The following LAMB1 variants were observed in gnomAD, a reference collection of about 807,000 sequenced individuals.
LAMB1 encodes laminin subunit beta-1.
LAMB1 carries 121 observed loss-of-function variants against 222.3 expected under a neutral mutation model. That is an observed-to-expected ratio of 0.54 (90% CI 0.47 to 0.63). The LOEUF (loss-of-function observed/expected upper bound fraction) is 0.63, where lower values mean the gene tolerates loss of function less well. Among genes scored for constraint, LAMB1 ranks in the 30% least tolerant of loss-of-function variants. The pLI is 0.00. For synonymous variants in LAMB1, 794 were observed against 807.2 expected (o/e 0.98, Z 0.28); for missense variants, 2,172 against 2,240.8 (o/e 0.97, Z 0.62).
rs1002899295 is a variant in LAMB1, at chr7:107,957,106, C to T, written c.2691-1476G>A. Among the ~76,000 whole-genome samples, 9 of 152,166 alleles carry T rather than the reference C, an allele frequency of 5.9e-5. No individual in the cohort carries two copies. In the South Asian group the frequency reaches 1.7e-3, roughly 28 times the overall value. ...TTCTACTTATGAAAAGCTGGATATT[C>T]CGGCCAGGTGCGGTGGCTCACCCCT... On this transcript the variant is annotated intron_variant, in intron 20 of 33. Coordinates refer to ENST00000222399, the MANE Select transcript of LAMB1 (RefSeq NM_002291.3).
Position 108,002,906 on chromosome 7 carries a change from G to C in LAMB1, c.-21C>G, listed in dbSNP as rs1430310752. The C allele has an allele frequency of 6.2e-7, 1 of 1,613,672 alleles. No individual in the cohort carries two copies. The highest frequency in any genetic ancestry group is 1.1e-5 in the South Asian group (1 of 91,008). ...CCCATGCCGGCTCCCTGCAGCCACG[G>C]GGACGCGGCAGAGGAGTGGAGAAGA... On this transcript the variant is annotated 5_prime_UTR_variant, in exon 2 of 34. Transcript: ENST00000222399.
chr7:107,932,741 A>G, intron 27 of LAMB1: 1 of 266,756 alleles, frequency 3.7e-6, no homozygotes, highest in South Asian at 5.8e-5. Context: ...TAAAAAAAAA[A>G]CCTATTGTGA....
intron 33 of LAMB1, 40 bp from the exon 34 acceptor site, chr7:107,924,127 T>A (rs778981714): frequency 6.6e-6 from 10 of 1,524,900 alleles, no homozygotes; most frequent in Non-Finnish European, 7.9e-6. Flanking sequence ...GAGCAATTTA[T>A]ACTATGATGA....
chr7:107,948,489 G>A (rs1462857706), intron 24 of LAMB1, among the ~76,000 whole-genome samples: 1 of 152,154 alleles, frequency 6.6e-6, no homozygotes, highest in African/African-American at 2.4e-5. Context: ...ATCTCTTAGG[G>A]TATTTTCACT....
chr7:107,974,265 G>A (rs750794926), intron 12 of LAMB1, among the ~76,000 whole-genome samples: 1 of 151,870 alleles, frequency 6.6e-6, no homozygotes, highest in Non-Finnish European at 1.5e-5. Context: ...AATTATTACA[G>A]TGAACTTTTT....
rs1483668861 is a variant in LAMB1, at chr7:108,001,922, G to A, written c.38-189C>T. 1.8e-5 allele frequency: 27 copies of A among 1,459,688 alleles called. No individual in the cohort carries two copies. In the East Asian group the frequency reaches 4.3e-4, roughly 23 times the overall value. The allele number at this position is 1,459,688 out of a possible 1,614,324, so 90.4% of individuals were successfully genotyped here. On this transcript the variant is annotated intron_variant, in intron 2 of 33. Coordinates refer to ENST00000222399, the MANE Select transcript of LAMB1 (RefSeq NM_002291.3). ...GCTGGGAAGGCAGGGACTCCGAAAG[G>A]AGAAGGACACGGAAAGAAACCCACA...
intron 32 of LAMB1, among the ~76,000 whole-genome samples, chr7:107,925,064 C>G (rs769774203): frequency 3.2e-4 from 49 of 152,240 alleles, no homozygotes; most frequent in Admixed American, 1.5e-3. Flanking sequence ...GGAAACCACA[C>G]AAACCAAAAC....
rs749408527 is a variant in LAMB1, at chr7:107,980,590, GCA to G, written c.879+17_879+18del. 6.3e-7 allele frequency: 1 copy of G among 1,592,026 alleles called. No individual in the cohort carries two copies. Among genetic ancestry groups the G allele is most frequent in the East Asian group, 2.2e-5 (1 of 44,776 alleles). ...TACCAGCCACATAAAGGAGAAAGGT[GCA>G]CAGAGGGCTTACTTACCATTCCTTC... On this transcript the variant is annotated intron_variant, in intron 8 of 33. Transcript: ENST00000222399.
chr7:108,001,959 G>T, intron 2 of LAMB1: 1 of 1,453,138 alleles, frequency 6.9e-7, no homozygotes, highest in South Asian at 1.5e-5. Context: ...ACGTCATCAG[G>T]TCTGTCCAGC....
At position 107,973,174 on chromosome 7, in the gene LAMB1, C is replaced by T. The variant is rs1157860035; in HGVS notation, c.1483-103G>A. ...CTTGTTTCGGCTGTTCCACCAAATG[C>T]TCATTTTCATCATTAAAGCAGAAAG... On this transcript the variant is annotated intron_variant, in intron 12 of 33. Coordinates refer to ENST00000222399, the MANE Select transcript of LAMB1 (RefSeq NM_002291.3). 9 of 925,878 alleles carry T rather than the reference C, an allele frequency of 9.7e-6. No homozygotes were observed. The African/African-American group carries it at 1.1e-4, about 12-fold the overall frequency. The allele number at this position is 925,878 out of a possible 1,614,324, so 57.4% of individuals were successfully genotyped here.
chr7:107,985,959 A>G (rs1467191375), intron 7 of LAMB1, 63 bp downstream of exon 7: 2 of 1,364,382 alleles, frequency 1.5e-6, no homozygotes, highest in Non-Finnish European at 2.1e-6. Context: ...CTCTGTCTCA[A>G]AAAACAAAAC....
chr7:108,002,809 C>G lies in LAMB1; in HGVS notation c.37+40G>C, dbSNP rs569085618. On this transcript the variant is annotated intron_variant, in intron 2 of 33. Transcript: ENST00000222399. ...CTTTTGGGTTTTCCTTCCCCATGCCCAAGTCCGTCCGCCTCCCCGCACCGT... is the reference window on the plus strand; with the variant it reads ...CTTTTGGGTTTTCCTTCCCCATGCCGAAGTCCGTCCGCCTCCCCGCACCGT... 8.7e-6 allele frequency: 14 copies of G among 1,613,830 alleles called. No homozygotes were observed. The African/African-American group carries it at 1.9e-4, about 22-fold the overall frequency.
At chr7:107,931,263 T>A in intron 29 of LAMB1, 93 bp downstream of exon 29, 110 of 1,032,094 alleles carry the variant, frequency 1.1e-4, no homozygotes, top group Middle Eastern at 5.6e-4. Context: ...GAAATGTCAC[T>A]TAGTACCCTG....
intron 24 of LAMB1, among the ~76,000 whole-genome samples, chr7:107,942,909 C>A (rs1366450487): frequency 1.3e-5 from 2 of 152,156 alleles, no homozygotes; most frequent in East Asian, 1.9e-4. Context: ...ATTAATTCCT[C>A]AACCTTTAGG....
chr7:107,996,095 GA>G (rs1427429717), intron 4 of LAMB1, among the ~76,000 whole-genome samples: 1,857 of 152,298 alleles, frequency 0.012, 30 homozygotes, highest in East Asian at 0.04. Context: ...ATTTTTGAGT[GA>G]AATGTTAGGC....
chr7:107,976,097 C>G (rs755464054), intron 9 of LAMB1, among the ~76,000 whole-genome samples: 1 of 152,076 alleles, frequency 6.6e-6, no homozygotes, highest in Non-Finnish European at 1.5e-5. Flanking sequence ...ATAAAATAAA[C>G]AGTTATCTGA....
intron 29 of LAMB1, chr7:107,930,096 A>AC: frequency 6.3e-6 from 1 of 158,816 alleles, no homozygotes. Flanking sequence ...AAACTTGTGA[A>AC]TGCAGATATG....
chr7:107,958,474 G>T (rs1249844918), intron 20 of LAMB1, among the ~76,000 whole-genome samples: 1 of 152,176 alleles, frequency 6.6e-6, no homozygotes, highest in African/African-American at 2.4e-5. Context: ...AGCACTTGCT[G>T]CAATGTTTCA....
rs922596578 is a variant in LAMB1, at chr7:107,955,393, T to A, written c.2854+74A>T. On this transcript the variant is annotated intron_variant, in intron 21 of 33. Transcript: ENST00000222399. The stretch of plus-strand genomic sequence containing the variant: ...TTAATTGGTTCACTTTGCATCTTTT[T>A]TTCTCATTAACAATGAACTCATAAA... The A allele has an allele frequency of 9.7e-6, 13 of 1,338,460 alleles. No individual in the cohort carries two copies. The East Asian group carries it at 3.2e-4, about 33-fold the overall frequency. The allele number at this position is 1,338,460 out of a possible 1,614,324, so 82.9% of individuals were successfully genotyped here. A position where few individuals can be genotyped will look rare whatever the true frequency, so the allele number is the denominator to read the frequency against.
Sources: gnomAD v4.1 joint callset for allele counts (sites outside exome capture counted in the v4.1 genomes callset) on GRCh38, gnomAD v4.1.1 for gene constraint, MANE v1.5 for transcripts, NCBI Gene and HGNC (gene_info 2026-07-23, HGNC 2026-07-21) for gene names.